CCM2: variants seen among roughly 807,000 people sequenced by gnomAD.
CCM2 encodes CCM2 scaffold protein.
Under a neutral mutation model 44.9 loss-of-function variants are expected in CCM2, and 25 were observed. The ratio of observed to expected loss-of-function variants is 0.56; its 90% CI spans 0.41 to 0.78. The LOEUF (loss-of-function observed/expected upper bound fraction) is 0.78, where lower values mean the gene tolerates loss of function less well. CCM2 is among the 30% of genes least tolerant of loss of function. The pLI, the probability that CCM2 is intolerant of heterozygous loss-of-function variation, is 0.00. For synonymous variants in CCM2, 219 were observed against 241.1 expected (o/e 0.91, Z 0.85); for missense variants, 481 against 580.6 (o/e 0.83, Z 1.76).
intron 2 of CCM2, among the ~76,000 whole-genome samples, chr7:45,055,687 C>T (rs1280196617): frequency 6.6e-6 from 1 of 151,616 alleles, no homozygotes; most frequent in East Asian, 1.9e-4. Flanking sequence ...GACTCCATCT[C>T]AAAAAAAAGA....
chr7:45,019,361 C>T (rs1390791653), intron 1 of CCM2, among the ~76,000 whole-genome samples: 1 of 151,698 alleles, frequency 6.6e-6, no homozygotes, highest in African/African-American at 2.4e-5. Context: ...GCCACCGCAC[C>T]TGGCTGGGTT....
intron 2 of CCM2, among the ~76,000 whole-genome samples, chr7:45,048,543 T>A (rs1797861816): frequency 6.6e-6 from 1 of 152,182 alleles, no homozygotes; most frequent in Non-Finnish European, 1.5e-5. Flanking sequence ...GGCAGGCGGA[T>A]CACGAGGTCA....
chr7:45,035,641 G>A (rs1173932451), intron 1 of CCM2, among the ~76,000 whole-genome samples: 2 of 152,122 alleles, frequency 1.3e-5, no homozygotes. Flanking sequence ...CGGATGCAGG[G>A]GTGGGTCCAG....
chr7:45,064,788 G>C, intron 4 of CCM2, 142 bp downstream of exon 4: 14 of 879,168 alleles, frequency 1.6e-5, no homozygotes, highest in Non-Finnish European at 2.5e-5. Flanking sequence ...CTGTCTCTGA[G>C]ATCAGCCAGA....
intron 1 of CCM2, among the ~76,000 whole-genome samples, chr7:45,011,655 A>G (rs944263503): frequency 6.6e-6 from 1 of 150,900 alleles, no homozygotes; most frequent in African/African-American, 2.4e-5. Flanking sequence ...GGTTTCAATC[A>G]ATTCTCCTAC....
chr7:45,072,718 C>G lies in CCM2; in HGVS notation c.746-8C>G. The G allele has an allele frequency of 6.8e-6, 11 of 1,610,696 alleles. No individual in the cohort carries two copies. The highest frequency in any genetic ancestry group is 9.3e-6 in the Non-Finnish European group (11 of 1,177,406). On this transcript the variant is annotated splice_region_variant and splice_polypyrimidine_tract_variant and intron_variant, in intron 6 of 9. Coordinates refer to ENST00000258781, the MANE Select transcript of CCM2 (RefSeq NM_031443.4). Reference sequence around the variant, plus strand: ...AAGTCATCTTAGTTTTCTGCATCTTCCTTACAGATGACTCTTCTACAAAAG... The same window carrying G: ...AAGTCATCTTAGTTTTCTGCATCTTGCTTACAGATGACTCTTCTACAAAAG...
rs1327276867 is a variant in CCM2 at position 45,069,922 on chromosome 7, G to A, written c.706G>A (p.Gly236Arg). 1.2e-6 allele frequency: 2 copies of A among 1,614,116 alleles called. No individual in the cohort carries two copies. The highest frequency in any genetic ancestry group is 1.7e-6 in the Non-Finnish European group (2 of 1,180,020). The change falls in exon 6 of 10, where the codon GGG (glycine) becomes AGG (arginine). Residue 236 changes from glycine to arginine, a missense_variant. By Grantham distance (125) the Gly-to-Arg change is moderately radical. Transcript: ENST00000258781. ...IDFLDRAIFD[G>R]ASTPTHHLSL... ...CTTTCTGGACAGAGCGATATTTGATGGGGCCTCTACCCCGACCCACCACCT... is the reference window on the plus strand; with the variant it reads ...CTTTCTGGACAGAGCGATATTTGATAGGGCCTCTACCCCGACCCACCACCT...
chr7:45,071,592 A>G (rs1323551989), intron 6 of CCM2: 4 of 350,398 alleles, frequency 1.1e-5, no homozygotes, highest in Non-Finnish European at 2.2e-5. Flanking sequence ...ATAATTCTAT[A>G]CGTTAAGAGT....
At chr7:45,023,485 G>T (rs557531051) in intron 1 of CCM2, among the ~76,000 whole-genome samples, 2 of 152,310 alleles carry the variant, frequency 1.3e-5, no homozygotes, top group Admixed American at 6.5e-5. Flanking sequence ...GGGAGGTGGA[G>T]GTTGCAGTGA....
chr7:45,000,458 G>GT (rs1554353546), intron 1 of CCM2, 95 bp downstream of exon 1: 9 of 318,734 alleles, frequency 2.8e-5, no homozygotes, highest in Middle Eastern at 1.8e-3. Context: ...GGGGCCCGGG[G>GT]GGGGGGGCAG....
intron 2 of CCM2, among the ~76,000 whole-genome samples, chr7:45,048,394 G>C (rs979710525): frequency 1.3e-5 from 2 of 152,226 alleles, no homozygotes; most frequent in Non-Finnish European, 2.9e-5. Flanking sequence ...TAATGAACAA[G>C]TTGAGAGGGA....
intron 1 of CCM2, among the ~76,000 whole-genome samples, chr7:45,014,492 C>T (rs1448717048): frequency 6.6e-6 from 1 of 151,964 alleles, no homozygotes. Flanking sequence ...AATTTACTAT[C>T]TTAACCTTTT....
At chr7:45,018,660 A>G (rs929633148) in intron 1 of CCM2, among the ~76,000 whole-genome samples, 3 of 151,946 alleles carry the variant, frequency 2.0e-5, no homozygotes, top group African/African-American at 4.8e-5. Context: ...TTGGCATTTT[A>G]AAGATGAAGA....
chr7:45,026,556 A>G (rs921160676), intron 1 of CCM2, among the ~76,000 whole-genome samples: 1 of 147,436 alleles, frequency 6.8e-6, no homozygotes, highest in African/African-American at 2.5e-5. Flanking sequence ...TGTAATTGTT[A>G]TGTTTATTTA....
intron 1 of CCM2, among the ~76,000 whole-genome samples, chr7:45,031,260 T>C (rs1208734458): frequency 1.3e-5 from 2 of 149,950 alleles, no homozygotes; most frequent in African/African-American, 4.9e-5. Flanking sequence ...TGCACACCTG[T>C]AATCCCAGAT....
At chr7:45,043,869 T>TGAA (rs1797629954) in intron 2 of CCM2, among the ~76,000 whole-genome samples, 1 of 152,216 alleles carries the variant, frequency 6.6e-6, no homozygotes, top group Non-Finnish European at 1.5e-5. Context: ...CAACCCTGAA[T>TGAA]TAAATTGTTT....
intron 2 of CCM2, 64 bp downstream of exon 2, chr7:45,038,490 C>T: frequency 1.3e-6 from 2 of 1,537,456 alleles, no homozygotes; most frequent in Non-Finnish European, 1.8e-6. Flanking sequence ...CTTGTATCCA[C>T]CAGACACTCT....
At chr7:45,025,521 G>C (rs1178811533) in intron 1 of CCM2, among the ~76,000 whole-genome samples, 4 of 141,304 alleles carry the variant, frequency 2.8e-5, no homozygotes, top group Admixed American at 2.3e-4. Flanking sequence ...CTTGTTCTCT[G>C]TTCTCTCTTT....
intron 2 of CCM2, among the ~76,000 whole-genome samples, chr7:45,044,064 A>T (rs1430934103): frequency 6.6e-6 from 1 of 152,130 alleles, no homozygotes; most frequent in Non-Finnish European, 1.5e-5. Flanking sequence ...CCAGTGCTTG[A>T]GGTCTGTGTT....
Sources: gnomAD v4.1 joint callset for allele counts (sites outside exome capture counted in the v4.1 genomes callset) on GRCh38, gnomAD v4.1.1 for gene constraint, MANE v1.5 for transcripts, NCBI Gene and HGNC (gene_info 2026-07-23, HGNC 2026-07-21) for gene names.